The following FGD4 variants were observed in gnomAD, a reference collection of about 807,000 sequenced individuals.
FGD4 encodes FYVE, RhoGEF and PH domain containing 4.
Under a neutral mutation model 102.0 loss-of-function variants are expected in FGD4, and 42 were observed. That is an observed-to-expected ratio of 0.41 (90% CI 0.32 to 0.53). The LOEUF (loss-of-function observed/expected upper bound fraction) is 0.53, where lower values mean the gene tolerates loss of function less well. Among genes scored for constraint, FGD4 ranks in the 20% least tolerant of loss-of-function variants. The probability of loss-of-function intolerance (pLI) is 0.21; values close to 1 mark genes in which losing one functional copy is unlikely to be tolerated. For missense variants in FGD4, 902 were observed against 1,078.2 expected, an observed-to-expected ratio of 0.84 and a Z score of 2.29; for synonymous variants, 380 against 375.7, an observed-to-expected ratio of 1.01 and a Z score of -0.13.
At chr12:32,451,918 TTCCTACC>T (rs1337205729) in intron 1 of FGD4, among the ~76,000 whole-genome samples, 1 of 151,232 alleles carries the variant, frequency 6.6e-6, no homozygotes, top group Non-Finnish European at 1.5e-5. Context: ...ATAACAGAGT[TTCCTACC>T]TGCCCGAGCT....
intron 1 of FGD4, among the ~76,000 whole-genome samples, chr12:32,497,296 T>C (rs775774619): frequency 4.6e-4 from 67 of 145,594 alleles, no homozygotes; most frequent in Non-Finnish European, 7.8e-4. Context: ...CAATGCATTT[T>C]ATCTTCCTTA....
chr12:32,495,924 C>T (rs1937787208), intron 1 of FGD4, among the ~76,000 whole-genome samples: 1 of 152,156 alleles, frequency 6.6e-6, no homozygotes, highest in Non-Finnish European at 1.5e-5. Context: ...CACCCCAGTC[C>T]TAGTCTCAAG....
At chr12:32,495,970 T>C (rs1038102766) in intron 1 of FGD4, among the ~76,000 whole-genome samples, 2 of 152,180 alleles carry the variant, frequency 1.3e-5, no homozygotes, top group Non-Finnish European at 2.9e-5. Context: ...ACCCTCTCTT[T>C]TTAATACTTT....
chr12:32,609,570 G>GGT (rs1219608158), intron 8 of FGD4, among the ~76,000 whole-genome samples: 3 of 152,106 alleles, frequency 2.0e-5, no homozygotes, highest in Admixed American at 6.6e-5. Context: ...CTCAGACTTT[G>GGT]GTATCCCCTT....
chr12:32,535,297 C>T (rs1695571757), intron 1 of FGD4, among the ~76,000 whole-genome samples: 1 of 152,130 alleles, frequency 6.6e-6, no homozygotes, highest in South Asian at 2.1e-4. Flanking sequence ...AACTTAGAAC[C>T]GGCAGCCTTC....
At chr12:32,629,995 A>G (rs1251710838) in intron 14 of FGD4, among the ~76,000 whole-genome samples, 1 of 152,018 alleles carries the variant, frequency 6.6e-6, no homozygotes, top group Non-Finnish European at 1.5e-5. Flanking sequence ...TTCCTTTCAT[A>G]AGTTTTGGCG....
intron 1 of FGD4, among the ~76,000 whole-genome samples, chr12:32,465,666 T>TAA (rs753666600): frequency 1.4e-5 from 2 of 142,066 alleles, no homozygotes. Flanking sequence ...GACAACGTCT[T>TAA]AAAAAAAAAA....
At chr12:32,438,695 T>A (rs2136450786) in intron 1 of FGD4, among the ~76,000 whole-genome samples, 1 of 151,608 alleles carries the variant, frequency 6.6e-6, no homozygotes, top group African/African-American at 2.4e-5. Context: ...AACCTCCACC[T>A]CCCGGGTTCA....
At chr12:32,504,938 CTA>C (rs1418438839) in intron 1 of FGD4, among the ~76,000 whole-genome samples, 1 of 152,180 alleles carries the variant, frequency 6.6e-6, no homozygotes, top group African/African-American at 2.4e-5. Flanking sequence ...GTTTTTCATA[CTA>C]TGTTTTGTGG....
chr12:32,462,559 T>C (rs1943135928), intron 1 of FGD4, among the ~76,000 whole-genome samples: 1 of 137,358 alleles, frequency 7.3e-6, no homozygotes, highest in African/African-American at 3.1e-5. Flanking sequence ...CATGTGCTTA[T>C]ACATTCTGAT....
intron 4 of FGD4, 144 bp downstream of exon 4, chr12:32,582,611 G>A (rs1173246819): frequency 9.6e-7 from 1 of 1,043,092 alleles, no homozygotes; most frequent in Non-Finnish European, 1.4e-6. Context: ...TCTGGCTGCT[G>A]ATTAGCATTT....
At chr12:32,639,012 T>C (rs1592510769) in intron 16 of FGD4, 1 of 1,314,624 alleles carries the variant, frequency 7.6e-7, no homozygotes, top group South Asian at 1.8e-5. Context: ...CTGTCCCCTT[T>C]CTTGTCTCAT....
intron 1 of FGD4, among the ~76,000 whole-genome samples, chr12:32,533,920 A>G (rs1163955199): frequency 4.6e-5 from 7 of 152,256 alleles, no homozygotes; most frequent in Non-Finnish European, 8.8e-5. Flanking sequence ...TCAATGAGCT[A>G]TGCTGGAAAG....
At chr12:32,592,710 A>G (rs888825351) in intron 4 of FGD4, among the ~76,000 whole-genome samples, 9 of 152,124 alleles carry the variant, frequency 5.9e-5, no homozygotes, top group African/African-American at 1.7e-4. Flanking sequence ...TAAATCATCT[A>G]TTTCTCCTTA....
rs1946139026 is a variant in FGD4 at position 32,576,503 on chromosome 12, G to A, written c.503+54G>A. 4.4e-6 allele frequency: 7 copies of A among 1,580,098 alleles called. No individual in the cohort carries two copies. The East Asian group carries it at 8.9e-5, about 20-fold the overall frequency. Reference sequence around the variant, plus strand: ...CAGGAGAAGAAGAAAGCTGATTTTCGAAAAAATGATAGTCATAGATACATT... The same window carrying A: ...CAGGAGAAGAAGAAAGCTGATTTTCAAAAAAATGATAGTCATAGATACATT... On this transcript the variant is annotated intron_variant, in intron 3 of 16. Transcript: ENST00000534526.
chr12:32,534,812 A>G (rs1456428944), intron 1 of FGD4, among the ~76,000 whole-genome samples: 1 of 152,226 alleles, frequency 6.6e-6, no homozygotes, highest in Non-Finnish European at 1.5e-5. Context: ...AGAAAGGAAC[A>G]GTTTTCTCTT....
chr12:32,605,463 CT>C (rs1253157285), intron 7 of FGD4, among the ~76,000 whole-genome samples: 2 of 152,238 alleles, frequency 1.3e-5, no homozygotes, highest in South Asian at 4.1e-4. Context: ...CTACATTCTT[CT>C]TTCTTTTCAT....
chr12:32,404,313 C>T (rs1404424618), intron 1 of FGD4, among the ~76,000 whole-genome samples: 1 of 151,464 alleles, frequency 6.6e-6, no homozygotes, highest in Non-Finnish European at 1.5e-5. Context: ...TCAACATATA[C>T]CCCAGTATCC....
chr12:32,563,086 G>A (rs1220578715), intron 1 of FGD4, among the ~76,000 whole-genome samples: 12 of 145,670 alleles, frequency 8.2e-5, no homozygotes, highest in African/African-American at 1.3e-4. Context: ...CTGGCCGGGC[G>A]GGGGGCTGAC....
Sources: gnomAD v4.1 joint callset for allele counts (sites outside exome capture counted in the v4.1 genomes callset) on GRCh38, gnomAD v4.1.1 for gene constraint, MANE v1.5 for transcripts, NCBI Gene and HGNC (gene_info 2026-07-23, HGNC 2026-07-21) for gene names.